The following FSTL5 variants were observed in gnomAD, a reference collection of about 807,000 sequenced individuals.
The protein encoded by FSTL5 is follistatin-related protein 5.
FSTL5 carries 62 observed loss-of-function variants against 89.1 expected under a neutral mutation model. That is an observed-to-expected ratio of 0.70 (90% CI 0.57 to 0.86). FSTL5 has a LOEUF of 0.86. Among genes scored for constraint, FSTL5 ranks in the 40% least tolerant of loss-of-function variants. The pLI is 0.00. For synonymous variants in FSTL5, 383 were observed against 346.2 expected, an observed-to-expected ratio of 1.11 and a Z score of -1.18; for missense variants, 1,057 against 1,001.6, an observed-to-expected ratio of 1.06 and a Z score of -0.75.
intron 3 of FSTL5, among the ~76,000 whole-genome samples, chr4:161,983,045 T>C (rs554598327): frequency 6.6e-6 from 1 of 152,316 alleles, no homozygotes; most frequent in Non-Finnish European, 1.5e-5. Flanking sequence ...CAAGTGATAA[T>C]TTAATCAGAG....
intron 3 of FSTL5, among the ~76,000 whole-genome samples, chr4:162,013,056 C>T (rs1736813918): frequency 6.6e-6 from 1 of 151,886 alleles, no homozygotes; most frequent in African/African-American, 2.4e-5. Context: ...TGGTGGCATG[C>T]ACCTGTAATC....
chr4:161,414,301 C>A (rs1489386239), intron 15 of FSTL5, among the ~76,000 whole-genome samples: 3 of 152,138 alleles, frequency 2.0e-5, no homozygotes, highest in African/African-American at 4.8e-5. Context: ...TTTACCACAT[C>A]TTCAATCCAC....
chr4:161,917,097 C>T (rs534822284), intron 4 of FSTL5, among the ~76,000 whole-genome samples: 90 of 152,194 alleles, frequency 5.9e-4, no homozygotes, highest in Admixed American at 4.3e-3. Context: ...GGATTACAGG[C>T]GTCTGCCACC....
At chr4:161,397,555 G>A (rs536221027) in intron 15 of FSTL5, among the ~76,000 whole-genome samples, 2 of 151,030 alleles carry the variant, frequency 1.3e-5, no homozygotes, top group African/African-American at 4.8e-5. Context: ...TATCTATATC[G>A]ATGAAAAAAT....
At chr4:162,032,427 T>C (rs1364995936) in intron 3 of FSTL5, among the ~76,000 whole-genome samples, 1 of 152,174 alleles carries the variant, frequency 6.6e-6, no homozygotes, top group Non-Finnish European at 1.5e-5. Context: ...TAATTTCGCA[T>C]ATAAAATAAC....
chr4:161,588,677 T>C (rs1163963253), intron 7 of FSTL5, among the ~76,000 whole-genome samples: 1 of 152,138 alleles, frequency 6.6e-6, no homozygotes, highest in Non-Finnish European at 1.5e-5. Context: ...AGAGTATTTA[T>C]TCAAAAAGTG....
chr4:161,409,085 T>G (rs971092373), intron 15 of FSTL5, among the ~76,000 whole-genome samples: 1 of 152,064 alleles, frequency 6.6e-6, no homozygotes, highest in Admixed American at 6.5e-5. Context: ...CTATACAAGA[T>G]GACTATTTCC....
chr4:161,682,931 G>C (rs1232632286), intron 6 of FSTL5, among the ~76,000 whole-genome samples: 1 of 151,934 alleles, frequency 6.6e-6, no homozygotes, highest in African/African-American at 2.4e-5. Flanking sequence ...ATTTTTAGTA[G>C]AGATGGGGTT....
At chr4:162,108,532 C>A (rs1045224014) in intron 2 of FSTL5, among the ~76,000 whole-genome samples, 1 of 151,598 alleles carries the variant, frequency 6.6e-6, no homozygotes, top group Admixed American at 6.6e-5. Flanking sequence ...CTTTTCTAGT[C>A]AATAAGTAAT....
At chr4:162,045,054 C>T (rs929682917) in intron 2 of FSTL5, among the ~76,000 whole-genome samples, 4 of 152,090 alleles carry the variant, frequency 2.6e-5, no homozygotes, top group Admixed American at 6.6e-5. Context: ...TCTTCGAGAA[C>T]GTTTCCTTTG....
intron 6 of FSTL5, among the ~76,000 whole-genome samples, chr4:161,666,219 T>C (rs1560778883): frequency 6.6e-6 from 1 of 152,034 alleles, no homozygotes; most frequent in South Asian, 2.1e-4. Flanking sequence ...AAACAACTCA[T>C]TAACAAAACA....
At chr4:161,459,581 T>C (rs1733489489) in intron 13 of FSTL5, among the ~76,000 whole-genome samples, 1 of 152,158 alleles carries the variant, frequency 6.6e-6, no homozygotes, top group African/African-American at 2.4e-5. Flanking sequence ...ATAAATATTT[T>C]GTTTATCATT....
intron 9 of FSTL5, among the ~76,000 whole-genome samples, chr4:161,540,978 T>C (rs949996839): frequency 3.3e-5 from 5 of 152,118 alleles, no homozygotes; most frequent in Non-Finnish European, 7.4e-5. Context: ...ATTTTCTTCA[T>C]TTGCCTGTTA....
intron 15 of FSTL5, among the ~76,000 whole-genome samples, chr4:161,416,954 CCTAT>C (rs1290038322): frequency 4.6e-5 from 7 of 151,904 alleles, no homozygotes; most frequent in South Asian, 2.1e-4. Flanking sequence ...CTCATCTCTA[CCTAT>C]CTCTTTTCTA....
chr4:162,124,667 A>G lies in FSTL5; in HGVS notation c.-16-13255T>C, dbSNP rs548345547. Among the ~76,000 whole-genome samples, 11 of 152,200 alleles carry G rather than the reference A, an allele frequency of 7.2e-5. No individual in the cohort carries two copies. In the South Asian group the frequency reaches 2.1e-3, roughly 29 times the overall value. On this transcript the variant is annotated intron_variant, in intron 1 of 15. Transcript: ENST00000306100. Reference sequence around the variant, plus strand: ...CGCTGGCTGGAGACTCTATCAAAACATACTCAAAAGCTTCTTTTAGGTCAC... The same window carrying G: ...CGCTGGCTGGAGACTCTATCAAAACGTACTCAAAAGCTTCTTTTAGGTCAC...
chr4:162,142,329 T>C (rs925501995), intron 1 of FSTL5, among the ~76,000 whole-genome samples: 1 of 152,178 alleles, frequency 6.6e-6, no homozygotes, highest in East Asian at 1.9e-4. Flanking sequence ...TCAAGCATTA[T>C]TGAGAGCTAG....
intron 1 of FSTL5, among the ~76,000 whole-genome samples, chr4:162,130,642 T>A (rs1206773188): frequency 6.6e-6 from 1 of 152,132 alleles, no homozygotes; most frequent in Non-Finnish European, 1.5e-5. Flanking sequence ...AATATAATAA[T>A]GACAATAGCA....
In FSTL5 at chr4:161,564,359, CTA is replaced by C. The variant is rs200741752; in HGVS notation, c.1016-21668_1016-21667del. ...AATCATTAGCTTTGGAATTGTATTC[CTA>C]TATATATATATAAAAGTGTTTTCTT... is the stretch of plus-strand genomic sequence containing the variant. On this transcript the variant is annotated intron_variant, in intron 8 of 15. Transcript: ENST00000306100. Among the ~76,000 whole-genome samples the C allele has an allele frequency of 2.0e-4, 30 of 149,452 alleles. 1 individual carries two copies. The East Asian group carries it at 4.5e-3, about 22-fold the overall frequency.
intron 7 of FSTL5, among the ~76,000 whole-genome samples, chr4:161,589,562 C>A (rs1186709652): frequency 6.6e-6 from 1 of 152,042 alleles, no homozygotes; most frequent in African/African-American, 2.4e-5. Context: ...AAGTGACCCT[C>A]CTGCTTCAGC....
Sources: allele counts gnomAD v4.1 joint callset (sites outside exome capture counted in the v4.1 genomes callset), GRCh38; gene constraint gnomAD v4.1.1; transcripts MANE v1.5; gene names NCBI Gene and HGNC (gene_info 2026-07-23, HGNC 2026-07-21).